CAP2: variants seen among roughly 807,000 people sequenced by gnomAD.
CAP2 encodes cyclase associated actin cytoskeleton regulatory protein 2.
CAP2 carries 24 observed loss-of-function variants against 57.7 expected under a neutral mutation model. The ratio of observed to expected loss-of-function variants is 0.42; its 90% CI spans 0.30 to 0.58. CAP2 has a LOEUF of 0.58. CAP2 is among the 20% of genes least tolerant of loss of function. The pLI is 0.22. For synonymous variants in CAP2, 194 were observed against 207.2 expected, an observed-to-expected ratio of 0.94 and a Z score of 0.55; for missense variants, 501 against 590.3, an observed-to-expected ratio of 0.85 and a Z score of 1.57.
At chr6:17,427,691 A>G (rs1759628640) in intron 3 of CAP2, among the ~76,000 whole-genome samples, 1 of 152,304 alleles carries the variant, frequency 6.6e-6, no homozygotes, top group South Asian at 2.1e-4. Context: ...CAGCATCTCC[A>G]AGAGACACCC....
chr6:17,550,906 AT>A (rs911032896), intron 11 of CAP2, among the ~76,000 whole-genome samples: 1 of 152,152 alleles, frequency 6.6e-6, no homozygotes, highest in African/African-American at 2.4e-5. Flanking sequence ...TAAGCCTCAA[AT>A]TCAGCCACTG....
chr6:17,459,090 A>G (rs996329160), intron 3 of CAP2, among the ~76,000 whole-genome samples: 2 of 152,162 alleles, frequency 1.3e-5, no homozygotes, highest in African/African-American at 4.8e-5. Context: ...AAAAAACACC[A>G]TGGACTGCTT....
rs1334556566 is a variant in CAP2 at position 17,461,973 on chromosome 6, A to G, written c.223-1023A>G. Among the ~76,000 whole-genome samples, 16 of 132,262 alleles carry G rather than the reference A, an allele frequency of 1.2e-4. 2 individuals are homozygous for G. Among genetic ancestry groups the G allele is most frequent in the Admixed American group, 9.6e-4 (12 of 12,506 alleles). 86.8% of individuals were successfully genotyped at this position (132,262 alleles called of 152,430 possible). ...GCACCATTGCACTCCAGCCTGGGCA[A>G]CAGGGCGAGACTCCGTCTCAAAAAA... On this transcript the variant is annotated intron_variant, in intron 3 of 12. Coordinates refer to ENST00000229922, the MANE Select transcript of CAP2 (RefSeq NM_006366.3).
At chr6:17,408,730 T>C (rs938189186) in intron 1 of CAP2, among the ~76,000 whole-genome samples, 71 of 148,126 alleles carry the variant, frequency 4.8e-4, no homozygotes, top group Non-Finnish European at 1.5e-4. Context: ...GCATGATCTC[T>C]ACTCACTGCA....
chr6:17,528,754 A>G (rs1207395492), intron 7 of CAP2, among the ~76,000 whole-genome samples: 1 of 152,190 alleles, frequency 6.6e-6, no homozygotes, highest in Non-Finnish European at 1.5e-5. Context: ...TTTCATGGAA[A>G]TCTGAAATTC....
Position 17,536,356 on chromosome 6 carries a change from T to C in CAP2, c.637-2913T>C, listed in dbSNP as rs114130778. ...TCCACTGTACGGTAAAGCACCTGAA[T>C]GCTAATTGAAAAGTAACCTTGGAAA... is the stretch of plus-strand genomic sequence containing the variant. On this transcript the variant is annotated intron_variant, in intron 7 of 12. Coordinates refer to ENST00000229922, the MANE Select transcript of CAP2 (RefSeq NM_006366.3). The C allele has an allele frequency of 7.1e-3, 3,225 of 451,992 alleles. 94 individuals are homozygous for C. Among genetic ancestry groups the C allele is most frequent in the African/African-American group, 0.059 (2,940 of 49,926 alleles). 28.0% of individuals were successfully genotyped at this position (451,992 alleles called of 1,614,324 possible).
At chr6:17,405,047 C>T (rs1426493099) in intron 1 of CAP2, among the ~76,000 whole-genome samples, 1 of 152,090 alleles carries the variant, frequency 6.6e-6, no homozygotes, top group East Asian at 1.9e-4. Flanking sequence ...CCAAATCCTA[C>T]ATATACCACG....
rs151031986 is a variant in CAP2 at position 17,556,918 on chromosome 6, G to A, written c.*476G>A. The A allele has an allele frequency of 2.0e-3, 321 of 159,044 alleles. 1 individual carries two copies. The highest frequency in any genetic ancestry group is 0.011 in the South Asian group (61 of 5,372). 9.9% of individuals were successfully genotyped at this position (159,044 alleles called of 1,614,324 possible). A position where few individuals can be genotyped will look rare whatever the true frequency, so the allele number is the denominator to read the frequency against. ...ACGTTTTTTCTTATTGTTACCACAT[G>A]TTCACCTTTATCAGCGTGGATACTG... On this transcript the variant is annotated 3_prime_UTR_variant, in exon 13 of 13. Transcript: ENST00000229922.
At chr6:17,461,060 G>A (rs1336855067) in intron 3 of CAP2, among the ~76,000 whole-genome samples, 1 of 152,072 alleles carries the variant, frequency 6.6e-6, no homozygotes, top group Non-Finnish European at 1.5e-5. Flanking sequence ...GAGGCAGGAG[G>A]ATTGCTTGAG....
intron 3 of CAP2, among the ~76,000 whole-genome samples, chr6:17,438,727 C>G (rs1443239976): frequency 6.8e-6 from 1 of 147,688 alleles, no homozygotes; most frequent in Non-Finnish European, 1.5e-5. Context: ...GTGTGAGCCA[C>G]CGCACCCGGC....
At chr6:17,493,712 A>T (rs1761598469) in intron 4 of CAP2, 1 of 151,192 alleles carries the variant, frequency 6.6e-6, no homozygotes, top group African/African-American at 2.4e-5. Context: ...ATGTGAGAAG[A>T]TGCTCCCAAG....
chr6:17,456,269 C>T (rs190851553), intron 3 of CAP2, among the ~76,000 whole-genome samples: 9 of 152,240 alleles, frequency 5.9e-5, no homozygotes, highest in Admixed American at 2.0e-4. Context: ...AAGCCTTCTG[C>T]GAGGTGCATA....
chr6:17,553,515 C>G (rs1375196884), intron 12 of CAP2, among the ~76,000 whole-genome samples: 1 of 152,038 alleles, frequency 6.6e-6, no homozygotes, highest in African/African-American at 2.4e-5. Context: ...CGCCTGTAGT[C>G]CCAGCTACTC....
intron 3 of CAP2, among the ~76,000 whole-genome samples, chr6:17,427,963 A>T (rs1759634214): frequency 6.6e-6 from 1 of 152,248 alleles, no homozygotes; most frequent in South Asian, 2.1e-4. Flanking sequence ...GAGACAAAGT[A>T]GAATGGTGTT....
At chr6:17,472,333 C>CAA (rs752046741) in intron 4 of CAP2, among the ~76,000 whole-genome samples, 3 of 102,380 alleles carry the variant, frequency 2.9e-5, no homozygotes, top group African/African-American at 6.3e-5. Context: ...GACTCCGTCT[C>CAA]AAAAAAAAAA....
At chr6:17,420,553 G>A (rs952218114) in intron 1 of CAP2, among the ~76,000 whole-genome samples, 9 of 152,140 alleles carry the variant, frequency 5.9e-5, no homozygotes, top group African/African-American at 2.2e-4. Context: ...AAGGATTATC[G>A]GTAGGTTTAG....
chr6:17,433,417 T>G (rs1458239233), intron 3 of CAP2, among the ~76,000 whole-genome samples: 2 of 152,220 alleles, frequency 1.3e-5, no homozygotes, highest in African/African-American at 2.4e-5. Context: ...ACCACCCTTG[T>G]GGTAATTGGC....
chr6:17,521,298 AG>A (rs888075801), intron 7 of CAP2, among the ~76,000 whole-genome samples: 3 of 152,108 alleles, frequency 2.0e-5, no homozygotes, highest in African/African-American at 4.8e-5. Flanking sequence ...GGGTGCCTGT[AG>A]TCCCAGCTAC....
At chr6:17,482,507 C>CAAAAA (rs60053497) in intron 4 of CAP2, among the ~76,000 whole-genome samples, 7 of 70,798 alleles carry the variant, frequency 9.9e-5, no homozygotes, top group African/African-American at 1.0e-4. Context: ...GACTCCATCT[C>CAAAAA]AAAAAAAAAA....
Sources: gnomAD v4.1 joint callset for allele counts (sites outside exome capture counted in the v4.1 genomes callset) on GRCh38, gnomAD v4.1.1 for gene constraint, MANE v1.5 for transcripts, NCBI Gene and HGNC (gene_info 2026-07-23, HGNC 2026-07-21) for gene names.